EDAR: variants seen among roughly 807,000 people sequenced by gnomAD.
EDAR encodes the protein tumor necrosis factor receptor superfamily member EDAR.
EDAR carries 38 observed loss-of-function variants against 51.3 expected under a neutral mutation model. That is an observed-to-expected ratio of 0.74 (90% confidence interval 0.57 to 0.97). The LOEUF is 0.97. Ranked by LOEUF, EDAR falls within the 50% of genes least tolerant of loss-of-function variation. EDAR has a pLI of 0.00. For synonymous variants in EDAR, 227 were observed against 242.1 expected, an observed-to-expected ratio of 0.94 and a Z score of 0.58; for missense variants, 528 against 595.0, an observed-to-expected ratio of 0.89 and a Z score of 1.17.
At chr2:108,936,835 G>A (rs956373087) in intron 1 of EDAR, among the ~76,000 whole-genome samples, 2 of 152,230 alleles carry the variant, frequency 1.3e-5, no homozygotes, top group African/African-American at 4.8e-5. Context: ...CGGAGCAGGA[G>A]GAAAGCAGAG....
chr2:108,942,686 C>T (rs1558823216), intron 1 of EDAR, among the ~76,000 whole-genome samples: 2 of 152,244 alleles, frequency 1.3e-5, no homozygotes, highest in Admixed American at 6.5e-5. Context: ...GCGGTTCCAG[C>T]GCGTTCCTGT....
intron 2 of EDAR, among the ~76,000 whole-genome samples, chr2:108,930,662 C>T (rs554573287): frequency 3.6e-4 from 55 of 152,252 alleles, no homozygotes; most frequent in Non-Finnish European, 6.0e-4. Flanking sequence ...CTTAGCTGCG[C>T]GGCCCCCAAG....
At chr2:108,913,167 G>A (rs576854982) in intron 5 of EDAR, among the ~76,000 whole-genome samples, 1 of 151,454 alleles carries the variant, frequency 6.6e-6, no homozygotes, top group Non-Finnish European at 1.5e-5. Flanking sequence ...GCCAGGATGG[G>A]CTCGATCTCC....
At chr2:108,941,134 C>A (rs1160729693) in intron 1 of EDAR, among the ~76,000 whole-genome samples, 2 of 152,200 alleles carry the variant, frequency 1.3e-5, no homozygotes, top group East Asian at 1.9e-4. Flanking sequence ...AATATAATAC[C>A]TGTGATGCGT....
chr2:108,907,801 C>T, intron 10 of EDAR, 59 bp downstream of exon 10: 1 of 1,602,892 alleles, frequency 6.2e-7, no homozygotes, highest in Non-Finnish European at 8.5e-7. Flanking sequence ...AAGTTTTAGT[C>T]TTGCGGCTGT....
chr2:108,979,582 A>G (rs535251718), intron 1 of EDAR, among the ~76,000 whole-genome samples: 1 of 151,878 alleles, frequency 6.6e-6, no homozygotes, highest in African/African-American at 2.4e-5. Flanking sequence ...GCGGCTGGGG[A>G]CTTGGAGACC....
rs987828286 is a variant in EDAR, at chr2:108,895,200, C to A, written c.*1707G>T. 1 of 152,654 alleles carries A rather than the reference C, an allele frequency of 6.6e-6. No homozygotes were observed. Among genetic ancestry groups the A allele is most frequent in the African/African-American group, 2.4e-5 (1 of 41,454 alleles). The allele number at this position is 152,654 out of a possible 1,614,324, so 9.5% of individuals were successfully genotyped here. On this transcript the variant is annotated 3_prime_UTR_variant, in exon 12 of 12. Transcript: ENST00000258443. ...ATATTCAGGACCTCATTATGATCCT[C>A]TCACAGTATGTACTACATTCGTTGG...
At chr2:108,978,985 G>T (rs376004722) in intron 1 of EDAR, among the ~76,000 whole-genome samples, 1 of 152,202 alleles carries the variant, frequency 6.6e-6, no homozygotes, top group Admixed American at 6.5e-5. Context: ...GGGGCAGGAG[G>T]GGGTGTAGTG....
chr2:108,899,627 C>G (rs1408818292), intron 11 of EDAR, among the ~76,000 whole-genome samples: 1 of 152,138 alleles, frequency 6.6e-6, no homozygotes, highest in East Asian at 1.9e-4. Context: ...CTACTGTAAA[C>G]AGAGAAGGTA....
intron 1 of EDAR, among the ~76,000 whole-genome samples, chr2:108,977,429 T>C (rs260601): frequency 0.77 from 117,715 of 151,988 alleles, 47,122 homozygotes; most frequent in South Asian, 0.87. Flanking sequence ...CCACCATGCC[T>C]GGCTAATTTT....
intron 10 of EDAR, 152 bp from the exon 11 acceptor site, chr2:108,906,520 C>A (rs192249125): frequency 1.2e-6 from 1 of 827,012 alleles, no homozygotes; most frequent in Middle Eastern, 2.9e-4. Context: ...CCCTGACACA[C>A]AGGGAGGAGG....
At chr2:108,969,399 G>A (rs972001374) in intron 1 of EDAR, among the ~76,000 whole-genome samples, 1 of 152,190 alleles carries the variant, frequency 6.6e-6, no homozygotes. Flanking sequence ...TCCGGTGAGA[G>A]GAGAACGATT....
chr2:108,978,136 A>G (rs1698359645), intron 1 of EDAR, among the ~76,000 whole-genome samples: 1 of 152,214 alleles, frequency 6.6e-6, no homozygotes, highest in African/African-American at 2.4e-5. Context: ...AAGGCTACAC[A>G]GGTCCCGCCC....
intron 10 of EDAR, 98 bp downstream of exon 10, chr2:108,907,762 C>T (rs1696838791): frequency 4.9e-6 from 7 of 1,416,496 alleles, no homozygotes; most frequent in African/African-American, 2.8e-5. Context: ...AGAAACACCC[C>T]GTCTTGCAGG....
At position 108,927,778 on chromosome 2, in the gene EDAR, A is replaced by G. The variant is rs1364790733; in HGVS notation, c.356+1420T>C. 2.0e-5 allele frequency among the ~76,000 whole-genome samples: 3 copies of G among 152,028 alleles called. No individual in the cohort carries two copies. In the East Asian group the frequency reaches 5.8e-4, roughly 29 times the overall value. On this transcript the variant is annotated intron_variant, in intron 4 of 11. Coordinates refer to ENST00000258443, the MANE Select transcript of EDAR (RefSeq NM_022336.4). ...GTCCCATAGTCCCCTCAAATTCCACACACACAACCTCTATCCTCCCTCCAC... is the reference window on the plus strand; with the variant it reads ...GTCCCATAGTCCCCTCAAATTCCACGCACACAACCTCTATCCTCCCTCCAC...
intron 1 of EDAR, among the ~76,000 whole-genome samples, chr2:108,945,339 C>CATTT (rs1293923606): frequency 6.6e-6 from 1 of 152,110 alleles, no homozygotes; most frequent in African/African-American, 2.4e-5. Context: ...GTTCCAAGGC[C>CATTT]ATTTATTTAT....
chr2:108,917,646 A>AG (rs1449537616), intron 5 of EDAR, among the ~76,000 whole-genome samples: 2 of 152,038 alleles, frequency 1.3e-5, no homozygotes, highest in African/African-American at 4.8e-5. Context: ...CTAAGACTAG[A>AG]GGGGGGTCAA....
chr2:108,977,549 C>T (rs546344081), intron 1 of EDAR, among the ~76,000 whole-genome samples: 120 of 152,248 alleles, frequency 7.9e-4, no homozygotes, highest in African/African-American at 2.8e-3. Context: ...GGATTACAGG[C>T]GTGAGCCACC....
chr2:108,970,428 T>C (rs1410308194), intron 1 of EDAR, among the ~76,000 whole-genome samples: 1 of 152,042 alleles, frequency 6.6e-6, no homozygotes, highest in Non-Finnish European at 1.5e-5. Context: ...GAGGCTGAGA[T>C]ATGAAGTGAG....
Sources: allele counts gnomAD v4.1 joint callset (sites outside exome capture counted in the v4.1 genomes callset), GRCh38; gene constraint gnomAD v4.1.1; transcripts MANE v1.5; gene names NCBI Gene and HGNC (gene_info 2026-07-23, HGNC 2026-07-21).